USP32: variants seen among roughly 807,000 people sequenced by gnomAD.
USP32 encodes ubiquitin specific peptidase 32.
USP32 carries 59 observed loss-of-function variants against 204.8 expected under a neutral mutation model. The ratio of observed to expected loss-of-function variants is 0.29; its 90% confidence interval spans 0.23 to 0.36. The LOEUF (loss-of-function observed/expected upper bound fraction) is 0.36, where lower values mean the gene tolerates loss of function less well. Ranked by LOEUF, USP32 falls within the 10% of genes least tolerant of loss-of-function variation. The pLI, the probability that USP32 is intolerant of heterozygous loss-of-function variation, is 1.00. For missense variants in USP32, 1,160 were observed against 1,946.4 expected (o/e 0.60, Z 7.60); for synonymous variants, 517 against 678.4 (o/e 0.76, Z 3.70).
intron 22 of USP32, among the ~76,000 whole-genome samples, 179 bp from the exon 23 acceptor site, chr17:60,209,007 C>T (rs1364051644): frequency 1.3e-5 from 2 of 152,014 alleles, no homozygotes; most frequent in Admixed American, 6.5e-5. Context: ...TTGTTCTTAT[C>T]AAGGTAACAA....
chr17:60,241,161 C>T (rs529817737), intron 11 of USP32, among the ~76,000 whole-genome samples: 85 of 152,228 alleles, frequency 5.6e-4, no homozygotes, highest in African/African-American at 1.8e-3. Flanking sequence ...CCATGGCCGG[C>T]TAATTTTTTG....
intron 1 of USP32, among the ~76,000 whole-genome samples, chr17:60,377,095 T>C (rs945279678): frequency 6.6e-6 from 1 of 152,164 alleles, no homozygotes; most frequent in African/African-American, 2.4e-5. Context: ...TAAACTCACC[T>C]ACTACTCTCT....
chr17:60,240,599 T>C (rs2085851573), intron 11 of USP32, among the ~76,000 whole-genome samples: 1 of 152,174 alleles, frequency 6.6e-6, no homozygotes, highest in Non-Finnish European at 1.5e-5. Context: ...TTTACAACTA[T>C]GCCTTAGCCT....
chr17:60,269,816 T>A (rs573436755), intron 6 of USP32, among the ~76,000 whole-genome samples: 1 of 152,238 alleles, frequency 6.6e-6, no homozygotes, highest in Non-Finnish European at 1.5e-5. Flanking sequence ...ACATCATTTT[T>A]AATGGCTAAA....
At chr17:60,299,306 T>A (rs1206515737) in intron 3 of USP32, among the ~76,000 whole-genome samples, 1 of 152,214 alleles carries the variant, frequency 6.6e-6, no homozygotes. Flanking sequence ...TAGCAACTTA[T>A]TATAATGAAC....
intron 1 of USP32, among the ~76,000 whole-genome samples, chr17:60,412,843 C>T (rs2090029122): frequency 6.6e-6 from 1 of 152,158 alleles, no homozygotes; most frequent in African/African-American, 2.4e-5. Context: ...TGAATTCTGT[C>T]TTAGCAAAGA....
At chr17:60,228,677 G>C (rs1264812702) in intron 12 of USP32, among the ~76,000 whole-genome samples, 1 of 151,750 alleles carries the variant, frequency 6.6e-6, no homozygotes. Flanking sequence ...AAAAAAAATA[G>C]TGGGGCATGG....
At chr17:60,369,082 C>T (rs1223922709) in intron 1 of USP32, among the ~76,000 whole-genome samples, 1 of 132,288 alleles carries the variant, frequency 7.6e-6, no homozygotes, top group East Asian at 2.0e-4. Flanking sequence ...GCAAGCTCCG[C>T]CTCCCGGGTT....
intron 5 of USP32, among the ~76,000 whole-genome samples, chr17:60,280,920 C>T (rs1054114806): frequency 6.6e-6 from 1 of 152,198 alleles, no homozygotes; most frequent in African/African-American, 2.4e-5. Flanking sequence ...AGCAGTAATT[C>T]TGACTTTGTG....
At chr17:60,286,616 G>C (rs1362437538) in intron 5 of USP32, among the ~76,000 whole-genome samples, 1 of 152,228 alleles carries the variant, frequency 6.6e-6, no homozygotes, top group East Asian at 1.9e-4. Context: ...TGAAACTCTA[G>C]GCATCTATCT....
At chr17:60,347,351 AT>A (rs372941030) in intron 1 of USP32, among the ~76,000 whole-genome samples, 32,622 of 131,084 alleles carry the variant, frequency 0.25, 6,239 homozygotes, top group African/African-American at 0.55. Context: ...CACCTGGCTC[AT>A]TTTTTTTTTT....
At chr17:60,412,412 G>T (rs539916800) in intron 1 of USP32, among the ~76,000 whole-genome samples, 3 of 151,948 alleles carry the variant, frequency 2.0e-5, no homozygotes, top group African/African-American at 7.2e-5. Context: ...GAATGGGGGC[G>T]GTGGGGCGGG....
chr17:60,266,161 G>A (rs1053674818), intron 7 of USP32, 70 bp from the exon 8 acceptor site: 2 of 1,244,870 alleles, frequency 1.6e-6, no homozygotes, highest in Non-Finnish European at 2.3e-6. Context: ...TTTACTAGAA[G>A]TTGCCCTTGT....
chr17:60,280,109 T>TA (rs2086933553), intron 5 of USP32, among the ~76,000 whole-genome samples: 1 of 151,888 alleles, frequency 6.6e-6, no homozygotes, highest in African/African-American at 2.4e-5. Flanking sequence ...TTATTATTAT[T>TA]TTTTGAGATG....
At chr17:60,255,288 T>A (rs763229553) in intron 9 of USP32, 30 bp from the exon 10 acceptor site, 30 of 1,392,462 alleles carry the variant, frequency 2.2e-5, no homozygotes, top group Non-Finnish European at 2.6e-5. Context: ...GTTAGGAACA[T>A]CTTTTTTTTC....
chr17:60,416,013 T>A (rs2090059253), intron 1 of USP32, among the ~76,000 whole-genome samples: 1 of 152,120 alleles, frequency 6.6e-6, no homozygotes, highest in Non-Finnish European at 1.5e-5. Context: ...CTAATTTTTG[T>A]ATTTTTAGTA....
At chr17:60,417,158 T>C (rs575818663) in intron 1 of USP32, among the ~76,000 whole-genome samples, 1 of 152,116 alleles carries the variant, frequency 6.6e-6, no homozygotes, top group South Asian at 2.1e-4. Flanking sequence ...CCTCAGGTGA[T>C]CCACCCACCT....
rs1307789444 is a variant in USP32 at position 60,413,861 on chromosome 17, C to CAAAAAAA, written c.106+8378_106+8384dup. ...GCCTGGCGACAGCTAGATTCTGTCT[C>CAAAAAAA]AAAAAAAAAAAAAAGAAAAAAAAAA... On this transcript the variant is annotated intron_variant, in intron 1 of 3. Coordinates refer to the USP32 transcript ENST00000588898. Among the ~76,000 whole-genome samples, 256 of 31,710 alleles carry CAAAAAAA rather than the reference C, an allele frequency of 8.1e-3. 4 individuals are homozygous for CAAAAAAA. The highest frequency in any genetic ancestry group is 0.028 in the African/African-American group (236 of 8,508). The allele number at this position is 31,710 out of a possible 152,430, so 20.8% of individuals were successfully genotyped here.
intron 3 of USP32, among the ~76,000 whole-genome samples, 191 bp from the exon 4 acceptor site, chr17:60,294,992 T>C (rs1287165662): frequency 6.6e-6 from 1 of 152,280 alleles, no homozygotes; most frequent in South Asian, 2.1e-4. Flanking sequence ...TTTTCAAACA[T>C]GCCAAATTTG....
Sources: gnomAD v4.1 joint callset for allele counts (sites outside exome capture counted in the v4.1 genomes callset) on GRCh38, gnomAD v4.1.1 for gene constraint, MANE v1.5 for transcripts, NCBI Gene and HGNC (gene_info 2026-07-23, HGNC 2026-07-21) for gene names.